The following SP100 variants were observed in gnomAD, a reference collection of about 807,000 sequenced individuals.
The protein encoded by SP100 is SP100 nuclear body protein.
A neutral mutation model predicts 130.0 loss-of-function variants in SP100; 84 were observed. The observed-to-expected ratio is 0.65, with a 90% CI of 0.54 to 0.77. The LOEUF (loss-of-function observed/expected upper bound fraction) is 0.77. Ranked by LOEUF, SP100 falls within the 30% of genes least tolerant of loss-of-function variation. SP100 has a pLI of 0.00. For synonymous variants in SP100, 331 were observed against 351.7 expected, an observed-to-expected ratio of 0.94 and a Z score of 0.66; for missense variants, 978 against 1,052.2, an observed-to-expected ratio of 0.93 and a Z score of 0.97.
intron 1 of SP100, chr2:230,416,731 A>C (rs1296104319): frequency 1.0e-6 from 1 of 992,492 alleles, no homozygotes; most frequent in African/African-American, 1.7e-5. Flanking sequence ...CTCCAGGGTA[A>C]ACACCTGGCT....
At position 230,498,495 on chromosome 2, in the gene SP100, T is replaced by C; in HGVS notation, c.1680T>C (p.Thr560=). The C allele has an allele frequency of 1.3e-6, 2 of 1,510,296 alleles. No individual in the cohort carries two copies. Among genetic ancestry groups the C allele is most frequent in the Non-Finnish European group, 1.8e-6 (2 of 1,136,970 alleles). 93.6% of individuals were successfully genotyped at this position (1,510,296 alleles called of 1,614,324 possible). ...AAGACAGACCTAGAAAACATTTAAC[T>C]CTGAATAACAAAGTCCAAAAGAAAA... The part of the protein sequence containing the change: ...RKKDRPRKHL[T]LNNKVQKKRW... The change falls in exon 19 of 29, where the codon ACT becomes ACC. Residue 560 remains threonine (T), a synonymous_variant. Coordinates refer to ENST00000340126, the MANE Select transcript of SP100 (RefSeq NM_001080391.2).
Position 230,476,014 on chromosome 2 carries a change from A to C in SP100, c.1600+1567A>C, listed in dbSNP as rs530329431. 3.9e-5 allele frequency among the ~76,000 whole-genome samples: 6 copies of C among 152,324 alleles called. No individual in the cohort carries two copies. The South Asian group carries it at 1.0e-3, about 26-fold the overall frequency. On this transcript the variant is annotated intron_variant, in intron 17 of 28. Transcript: ENST00000340126. ...CTTTTTGTTTACAATTGCTTTGGCT[A>C]TTCAGGCTCTTTTATGGTTCCAACT...
chr2:230,510,813 A>C (rs1213915210), intron 23 of SP100: 1 of 393,090 alleles, frequency 2.5e-6, no homozygotes. Flanking sequence ...ATTTAGACAA[A>C]CATGCCTGCA....
At chr2:230,445,268 C>G (rs1328319571) in intron 4 of SP100, among the ~76,000 whole-genome samples, 1 of 152,112 alleles carries the variant, frequency 6.6e-6, no homozygotes, top group Admixed American at 6.5e-5. Context: ...TAATCTCAAC[C>G]CAGTTCTCCA....
intron 2 of SP100, 112 bp downstream of exon 2, chr2:230,417,777 T>G: frequency 6.9e-7 from 1 of 1,449,062 alleles, no homozygotes; most frequent in Non-Finnish European, 9.1e-7. Context: ...TATAAATTGC[T>G]TGTTTGTTTT....
intron 5 of SP100, among the ~76,000 whole-genome samples, chr2:230,447,593 T>C (rs917612279): frequency 6.6e-6 from 1 of 152,156 alleles, no homozygotes; most frequent in Non-Finnish European, 1.5e-5. Context: ...AATGTTGACT[T>C]ATATTTGACA....
rs1450416181 is a variant in SP100, at chr2:230,506,566, A to G, written c.2013+121A>G. On this transcript the variant is annotated intron_variant, in intron 22 of 28. Coordinates refer to ENST00000340126, the MANE Select transcript of SP100 (RefSeq NM_001080391.2). ...CATGACTTCCTCTGCCCAGGTCTCC[A>G]TGCATATGTTATTACTAACGTTCTC... 12 of 949,792 alleles carry G rather than the reference A, an allele frequency of 1.3e-5. No individual in the cohort carries two copies. In the Admixed American group the frequency reaches 2.9e-4, roughly 23 times the overall value. The allele number at this position is 949,792 out of a possible 1,614,324, so 58.8% of individuals were successfully genotyped here.
At position 230,533,059 on chromosome 2, in the gene SP100, G is replaced by T. The variant is rs1199179387; in HGVS notation, c.2095-6208G>T. Among the ~76,000 whole-genome samples, 7 of 152,310 alleles carry T rather than the reference G, an allele frequency of 4.6e-5. No individual in the cohort carries two copies. In the East Asian group the frequency reaches 1.2e-3, roughly 25 times the overall value. On this transcript the variant is annotated intron_variant, in intron 24 of 28. Coordinates refer to ENST00000340126, the MANE Select transcript of SP100 (RefSeq NM_001080391.2). The stretch of plus-strand genomic sequence containing the variant: ...GCCTCCCAAAGTGCTGGGATTACAG[G>T]CATAAGCCACCGTGCCCGGCCCTGA...
intron 22 of SP100, chr2:230,506,668 G>T: frequency 2.3e-6 from 1 of 431,912 alleles, no homozygotes; most frequent in East Asian, 3.9e-5. Context: ...TTTGAAGGTT[G>T]GACAGTAAAT....
intron 2 of SP100, among the ~76,000 whole-genome samples, chr2:230,437,047 C>T (rs958448021): frequency 2.6e-5 from 4 of 151,502 alleles, no homozygotes; most frequent in African/African-American, 9.8e-5. Flanking sequence ...TGGTAGACAT[C>T]CCCATATTGT....
At position 230,464,060 on chromosome 2, in the gene SP100, T is replaced by C. The variant is rs1384369625; in HGVS notation, c.1058-7T>C. The C allele has an allele frequency of 3.1e-6, 5 of 1,599,758 alleles. No individual in the cohort carries two copies. The highest frequency in any genetic ancestry group is 4.3e-6 in the Non-Finnish European group (5 of 1,167,196). ...AGACCTCTAAAGAATCCCATTCTTT[T>C]GTGCAGTGATCAATAATGACAACCC... On this transcript the variant is annotated splice_region_variant and splice_polypyrimidine_tract_variant and intron_variant, in intron 10 of 28. Transcript: ENST00000340126.
intron 25 of SP100, 113 bp from the exon 26 acceptor site, chr2:230,540,763 T>C: frequency 7.3e-7 from 1 of 1,368,330 alleles, no homozygotes. Flanking sequence ...AGAGAGAAGT[T>C]GGATACAAGG....
chr2:230,447,786 T>C (rs2063773044), intron 5 of SP100, among the ~76,000 whole-genome samples: 2 of 152,198 alleles, frequency 1.3e-5, no homozygotes, highest in African/African-American at 4.8e-5. Flanking sequence ...CATTCCATTA[T>C]ACAGCCTGGA....
At chr2:230,489,853 A>C (rs2066305306) in intron 17 of SP100, among the ~76,000 whole-genome samples, 1 of 151,966 alleles carries the variant, frequency 6.6e-6, no homozygotes, top group African/African-American at 2.4e-5. Flanking sequence ...CTGAGTTCTA[A>C]TTTGTTTGTG....
intron 17 of SP100, among the ~76,000 whole-genome samples, chr2:230,491,216 C>T (rs1411042245): frequency 2.6e-5 from 4 of 152,256 alleles, no homozygotes; most frequent in East Asian, 3.9e-4. Context: ...GCTTTGGGGG[C>T]GGGGTGAAAC....
chr2:230,474,092 C>T (rs1029701959), intron 16 of SP100, among the ~76,000 whole-genome samples: 1 of 152,158 alleles, frequency 6.6e-6, no homozygotes, highest in Non-Finnish European at 1.5e-5. Context: ...TTAACTCTTG[C>T]AAGTAAGATA....
intron 13 of SP100, 138 bp from the exon 14 acceptor site, chr2:230,468,905 T>G: frequency 1.9e-6 from 1 of 515,796 alleles, no homozygotes; most frequent in South Asian, 3.2e-5. Flanking sequence ...TAGTAATCTC[T>G]TTCCCTTAGA....
In SP100 at chr2:230,515,217, G is replaced by C. The variant is rs370392259; in HGVS notation, c.2094+4051G>C. 16 of 1,613,626 alleles carry C rather than the reference G, an allele frequency of 9.9e-6. No homozygotes were observed. In the African/African-American group the frequency reaches 2.1e-4, roughly 22 times the overall value. On this transcript the variant is annotated intron_variant, in intron 24 of 28. Coordinates refer to ENST00000340126, the MANE Select transcript of SP100 (RefSeq NM_001080391.2). ...AAGGAAAATTTGAAGATATGGCAAAGGCGGACAAGGCCCATTATGAAAGAG... is the reference window on the plus strand; with the variant it reads ...AAGGAAAATTTGAAGATATGGCAAACGCGGACAAGGCCCATTATGAAAGAG...
At chr2:230,442,811 C>G (rs981771717) in intron 2 of SP100, 126 bp from the exon 3 acceptor site, 3 of 793,532 alleles carry the variant, frequency 3.8e-6, no homozygotes, top group African/African-American at 3.5e-5. Context: ...CTGGCCTCTA[C>G]TGAGGACCAC....
Sources: allele counts gnomAD v4.1 joint callset (sites outside exome capture counted in the v4.1 genomes callset), GRCh38; gene constraint gnomAD v4.1.1; transcripts MANE v1.5; gene names NCBI Gene and HGNC (gene_info 2026-07-23, HGNC 2026-07-21).